Variants in SFMBT1 observed in about 807,000 individuals in gnomAD.
SFMBT1 encodes the protein Scm like with four mbt domains 1, also known as scm-like with four MBT domains protein 1.
In SFMBT1, 32 loss-of-function variants were observed where a neutral mutation model predicts 108.7. That is an observed-to-expected ratio of 0.29 (90% CI 0.22 to 0.40). SFMBT1 has a LOEUF of 0.40. SFMBT1 is among the 10% of genes least tolerant of loss of function. The probability of loss-of-function intolerance (pLI) is 1.00; values close to 1 mark genes in which losing one functional copy is unlikely to be tolerated. For synonymous variants in SFMBT1, 348 were observed against 369.5 expected (o/e 0.94, Z 0.67); for missense variants, 816 against 1,059.6 (o/e 0.77, Z 3.19).
chr3:52,930,470 C>T, intron 7 of SFMBT1, 40 bp from the exon 8 acceptor site: 1 of 1,103,812 alleles, frequency 9.1e-7, no homozygotes, highest in South Asian at 1.2e-5. Context: ...AACATAGTAT[C>T]TGTATCAATC....
chr3:53,037,308 C>A (rs1414598203), intron 1 of SFMBT1, among the ~76,000 whole-genome samples: 1 of 152,106 alleles, frequency 6.6e-6, no homozygotes, highest in African/African-American at 2.4e-5. Context: ...TGGAGCCTGA[C>A]AACAAAGAAA....
At chr3:52,995,758 A>G (rs1408464818) in intron 1 of SFMBT1, among the ~76,000 whole-genome samples, 1 of 150,008 alleles carries the variant, frequency 6.7e-6, no homozygotes, top group Non-Finnish European at 1.5e-5. Flanking sequence ...TTGGGACTGT[A>G]TCAAAGTTTA....
At chr3:52,927,221 A>T (rs1255655463) in intron 9 of SFMBT1, among the ~76,000 whole-genome samples, 2 of 152,140 alleles carry the variant, frequency 1.3e-5, no homozygotes, top group Non-Finnish European at 2.9e-5. Context: ...GACTCTAGGA[A>T]GTTCTGTTAA....
chr3:52,911,256 C>T, intron 16 of SFMBT1, 78 bp from the exon 17 acceptor site: 2 of 1,412,460 alleles, frequency 1.4e-6, no homozygotes, highest in Non-Finnish European at 1.9e-6. Context: ...ATTAATACAC[C>T]TAAAAAATAT....
intron 1 of SFMBT1, among the ~76,000 whole-genome samples, chr3:52,981,240 A>C (rs1481184168): frequency 6.6e-6 from 1 of 152,126 alleles, no homozygotes; most frequent in Non-Finnish European, 1.5e-5. Context: ...ATAATTTTAG[A>C]AAGTGGTTTG....
intron 1 of SFMBT1, among the ~76,000 whole-genome samples, chr3:53,001,789 G>A (rs1698557683): frequency 6.7e-6 from 1 of 148,654 alleles, no homozygotes; most frequent in Non-Finnish European, 1.5e-5. Flanking sequence ...TGCCAGGCAT[G>A]GTGGCTCATG....
intron 1 of SFMBT1, among the ~76,000 whole-genome samples, chr3:52,992,906 G>A (rs1214352460): frequency 6.6e-6 from 1 of 152,168 alleles, no homozygotes; most frequent in Non-Finnish European, 1.5e-5. Flanking sequence ...TTTACACTGT[G>A]CCTGACAGTG....
intron 3 of SFMBT1, among the ~76,000 whole-genome samples, chr3:52,952,121 G>A (rs534459005): frequency 1.3e-5 from 2 of 152,318 alleles, no homozygotes; most frequent in South Asian, 2.1e-4. Flanking sequence ...CACTTTGGGA[G>A]GCTGAGGCGG....
Position 52,926,953 on chromosome 3 carries a change from G to A in SFMBT1, c.1049-840C>T, listed in dbSNP as rs146916564. Among the ~76,000 whole-genome samples the A allele has an allele frequency of 1.7e-4, 26 of 152,222 alleles. No homozygotes were observed. The East Asian group carries it at 4.6e-3, about 27-fold the overall frequency. The stretch of plus-strand genomic sequence containing the variant: ...TTTGCCCCAACCTCAATGCCTGACA[G>A]TACATTTTCTGCCATTTTCAGTTAT... On this transcript the variant is annotated intron_variant, in intron 9 of 20. Coordinates refer to ENST00000394752, the MANE Select transcript of SFMBT1 (RefSeq NM_016329.4).
chr3:52,985,954 C>T (rs1319485384), intron 1 of SFMBT1, among the ~76,000 whole-genome samples: 3 of 151,970 alleles, frequency 2.0e-5, no homozygotes, highest in Admixed American at 6.6e-5. Flanking sequence ...ACCAGCCTGG[C>T]CAACATGGTG....
intron 13 of SFMBT1, among the ~76,000 whole-genome samples, chr3:52,918,237 A>T (rs1437031302): frequency 6.6e-6 from 1 of 152,158 alleles, no homozygotes. Flanking sequence ...CTTTTATTCA[A>T]CTATCTTAAG....
Position 52,907,625 on chromosome 3 carries a change from T to C in SFMBT1, c.2015A>G (p.Lys672Arg). ...KKASKRRKRR[K>R]NVFVHKKKRS... Reference sequence around the variant, plus strand: ...TTTCTTCTTATGAACAAAAACATTTTTCCGCCTCTTTCTCCTCTTACTGGC... The same window carrying C: ...TTTCTTCTTATGAACAAAAACATTTCTCCGCCTCTTTCTCCTCTTACTGGC... Residue 672 changes from lysine to arginine, a missense_variant, in exon 18 of 21, where the codon AAA becomes AGA. This residue lies in a region of SFMBT1 where 177 missense variants were observed against 182.0 expected (regional missense o/e 0.97). Coordinates refer to ENST00000394752, the MANE Select transcript of SFMBT1 (RefSeq NM_016329.4). 1 of 1,614,202 alleles carries C rather than the reference T, an allele frequency of 6.2e-7. No individual in the cohort carries two copies. Among genetic ancestry groups the C allele is most frequent in the Non-Finnish European group, 8.5e-7 (1 of 1,180,036 alleles).
At position 52,969,064 on chromosome 3, in the gene SFMBT1, C is replaced by T. The variant is rs370893283; in HGVS notation, c.28+37G>A. 1.2e-5 allele frequency: 20 copies of T among 1,609,074 alleles called. No individual in the cohort carries two copies. In the African/African-American group the frequency reaches 2.1e-4, roughly 17 times the overall value. ...AACACAGGCAAGTAATATAATTGTG[C>T]ATCCTAGAGAATAAATTCTGAGAAT... On this transcript the variant is annotated intron_variant, in intron 2 of 20. Transcript: ENST00000394752.
intron 20 of SFMBT1, 107 bp from the exon 21 acceptor site, chr3:52,905,383 T>C (rs1035492717): frequency 2.6e-6 from 3 of 1,140,176 alleles, no homozygotes; most frequent in Non-Finnish European, 3.6e-6. Flanking sequence ...ATCCCTATGC[T>C]TTCCTTTCCT....
At position 52,903,631 on chromosome 3, in the gene SFMBT1, T is replaced by C. The variant is rs1702000956; in HGVS notation, c.*1505A>G. 1 of 152,210 alleles carries C rather than the reference T, an allele frequency of 6.6e-6. No individual in the cohort carries two copies. Among genetic ancestry groups the C allele is most frequent in the African/African-American group, 2.4e-5 (1 of 41,460 alleles). 9.4% of individuals were successfully genotyped at this position (152,210 alleles called of 1,614,324 possible). On this transcript the variant is annotated 3_prime_UTR_variant, in exon 21 of 21. Coordinates refer to ENST00000394752, the MANE Select transcript of SFMBT1 (RefSeq NM_016329.4). ...TTTAGAATTCACCCAGTTTGCAGGA[T>C]TAAAACATTTTCAAATCTTGAGGAA... is the stretch of plus-strand genomic sequence containing the variant.
intron 14 of SFMBT1, among the ~76,000 whole-genome samples, chr3:52,915,813 CT>C (rs1267087031): frequency 5.3e-5 from 8 of 152,254 alleles, no homozygotes; most frequent in Middle Eastern, 3.4e-3. Context: ...AAACTTCTAC[CT>C]CTCAACCATC....
chr3:53,038,857 A>C (rs1200650978), intron 1 of SFMBT1, among the ~76,000 whole-genome samples: 1 of 152,242 alleles, frequency 6.6e-6, no homozygotes. Context: ...GGATTGAGTC[A>C]CTGAATATGC....
At chr3:52,942,821 C>A (rs9875938) in intron 4 of SFMBT1, among the ~76,000 whole-genome samples, 1 of 152,142 alleles carries the variant, frequency 6.6e-6, no homozygotes, top group Non-Finnish European at 1.5e-5. Flanking sequence ...AGACAACTCA[C>A]GTATTTTCTT....
Position 52,912,430 on chromosome 3 carries a change from G to A in SFMBT1, c.1730+108C>T, listed in dbSNP as rs568486157. 4.3e-5 allele frequency: 35 copies of A among 815,514 alleles called. 1 individual carries two copies. Among genetic ancestry groups the A allele is most frequent in the Admixed American group, 1.7e-4 (8 of 48,038 alleles). The allele number at this position is 815,514 out of a possible 1,614,324, so 50.5% of individuals were successfully genotyped here. ...CCTGACCTTGTGATCCGCCCGCCTC[G>A]GCCTCCCAAAGTGCTGGGATTACAG... On this transcript the variant is annotated intron_variant, in intron 16 of 20. Transcript: ENST00000394752.
Sources: allele counts gnomAD v4.1 joint callset (sites outside exome capture counted in the v4.1 genomes callset), GRCh38; gene constraint gnomAD v4.1.1; regional missense constraint gnomAD v4.1.1; transcripts MANE v1.5; gene names NCBI Gene and HGNC (gene_info 2026-07-23, HGNC 2026-07-21).